Variants in KIF13B observed in about 807,000 individuals in gnomAD.
KIF13B encodes kinesin-like protein KIF13B.
KIF13B carries 127 observed loss-of-function variants against 222.0 expected under a neutral mutation model. That is an observed-to-expected ratio of 0.57 (90% CI 0.50 to 0.66). KIF13B has a LOEUF of 0.66. Ranked by LOEUF, KIF13B falls within the 30% of genes least tolerant of loss-of-function variation. The pLI, the probability that KIF13B is intolerant of heterozygous loss-of-function variation, is 0.00. For synonymous variants in KIF13B, 976 were observed against 919.0 expected (o/e 1.06, Z -1.12); for missense variants, 2,173 against 2,379.0 (o/e 0.91, Z 1.80).
intron 10 of KIF13B, among the ~76,000 whole-genome samples, chr8:29,168,704 G>C (rs192065029): frequency 6.6e-6 from 1 of 152,092 alleles, no homozygotes; most frequent in Non-Finnish European, 1.5e-5. Context: ...TCCCCACACC[G>C]GTCATGCCTT....
intron 2 of KIF13B, among the ~76,000 whole-genome samples, chr8:29,212,462 T>A (rs1392752754): frequency 1.3e-5 from 2 of 152,182 alleles, no homozygotes; most frequent in East Asian, 3.8e-4. Flanking sequence ...CCAATGATGC[T>A]GAGAATCTTC....
At chr8:29,076,597 C>T (rs993806021) in intron 37 of KIF13B, among the ~76,000 whole-genome samples, 1 of 152,222 alleles carries the variant, frequency 6.6e-6, no homozygotes, top group Non-Finnish European at 1.5e-5. Context: ...CCCGAAGAAG[C>T]CAGCCCGCTC....
intron 2 of KIF13B, among the ~76,000 whole-genome samples, chr8:29,231,416 C>T (rs1295633710): frequency 6.6e-6 from 1 of 152,164 alleles, no homozygotes; most frequent in African/African-American, 2.4e-5. Flanking sequence ...TCATATTATA[C>T]CCAATCCCCC....
intron 8 of KIF13B, among the ~76,000 whole-genome samples, chr8:29,178,349 C>T (rs572847244): frequency 2.6e-5 from 4 of 152,164 alleles, no homozygotes; most frequent in Non-Finnish European, 4.4e-5. Flanking sequence ...GTAACATTTA[C>T]ATCTTATTCA....
chr8:29,119,436 CT>C (rs1305039378), intron 29 of KIF13B, among the ~76,000 whole-genome samples: 1 of 152,222 alleles, frequency 6.6e-6, no homozygotes, highest in Non-Finnish European at 1.5e-5. Flanking sequence ...CCATGGCCCC[CT>C]GGTTCCTCAG....
rs555987872 is a variant in KIF13B, at chr8:29,094,777, G to C, written c.4325-1899C>G. ...TCTTAACCAAGTCCAAAGATGCAAA[G>C]GAGAATACAGTCTTGACAAGTGCAC... On this transcript the variant is annotated intron_variant, in intron 36 of 39. Coordinates refer to ENST00000524189, the MANE Select transcript of KIF13B (RefSeq NM_015254.4). Among the ~76,000 whole-genome samples the C allele has an allele frequency of 2.0e-5, 3 of 152,216 alleles. No homozygotes were observed. The South Asian group carries it at 6.2e-4, about 32-fold the overall frequency.
chr8:29,133,258 T>C (rs1810423413), intron 22 of KIF13B, among the ~76,000 whole-genome samples: 1 of 152,284 alleles, frequency 6.6e-6, no homozygotes, highest in East Asian at 1.9e-4. Context: ...GATTTGTTTG[T>C]GTTTTCAGCT....
At chr8:29,232,825 C>T (rs1017607626) in intron 2 of KIF13B, among the ~76,000 whole-genome samples, 13 of 152,310 alleles carry the variant, frequency 8.5e-5, no homozygotes, top group African/African-American at 3.1e-4. Flanking sequence ...ACCCATACCA[C>T]TGCCCACTCT....
rs753292093 is a variant in KIF13B at position 29,132,315 on chromosome 8, G to A, written c.2935C>T (p.Arg979Trp). 18 of 1,523,924 alleles carry A rather than the reference G, an allele frequency of 1.2e-5. No homozygotes were observed. Among genetic ancestry groups the A allele is most frequent in the South Asian group, 7.9e-5 (6 of 75,842 alleles). 94.4% of individuals were successfully genotyped at this position (1,523,924 alleles called of 1,614,324 possible). ...GIIQAKTRSL[R>W]DRWSEVTRKL... ...TGAACATCTAATATTCACCTGTCCC[G>A]AAGACTACGTGTCTTTGCTTGGATG... Residue 979 changes from arginine to tryptophan, a missense_variant, in exon 23 of 40, where the codon CGG becomes TGG. Arg to Trp is a moderately radical substitution (Grantham distance 101). Around this residue, in one of 2 missense-constraint regions of KIF13B, gnomAD observed 1,480 missense variants for 1,722.8 expected, o/e 0.86. Transcript: ENST00000524189.
At chr8:29,183,044 T>A (rs1186454860) in intron 6 of KIF13B, among the ~76,000 whole-genome samples, 1 of 152,126 alleles carries the variant, frequency 6.6e-6, no homozygotes, top group African/African-American at 2.4e-5. Context: ...ATGTCAATGA[T>A]AAGGTTACTG....
At chr8:29,088,647 A>T (rs954966387) in intron 37 of KIF13B, among the ~76,000 whole-genome samples, 7 of 152,226 alleles carry the variant, frequency 4.6e-5, no homozygotes, top group African/African-American at 1.4e-4. Flanking sequence ...TTACTATTTT[A>T]AAAAAATGAG....
chr8:29,088,769 C>T (rs542621627), intron 37 of KIF13B, among the ~76,000 whole-genome samples: 5 of 152,188 alleles, frequency 3.3e-5, no homozygotes, highest in African/African-American at 9.7e-5. Flanking sequence ...CAGAGTACAA[C>T]AAGTGAAAGC....
chr8:29,137,090 G>T (rs972829067), intron 21 of KIF13B, among the ~76,000 whole-genome samples: 1 of 152,058 alleles, frequency 6.6e-6, no homozygotes, highest in Non-Finnish European at 1.5e-5. Flanking sequence ...GTGAGCCGCC[G>T]CGCCCGGCCC....
chr8:29,208,312 T>G (rs1814049529), intron 2 of KIF13B, among the ~76,000 whole-genome samples: 1 of 152,206 alleles, frequency 6.6e-6, no homozygotes, highest in East Asian at 1.9e-4. Flanking sequence ...TTATTGGCAA[T>G]TACTTCTAAG....
intron 2 of KIF13B, among the ~76,000 whole-genome samples, chr8:29,209,516 C>T (rs1453264970): frequency 1.3e-5 from 2 of 152,188 alleles, no homozygotes; most frequent in Non-Finnish European, 2.9e-5. Context: ...AAGACCAATT[C>T]TAAGAGCTGC....
intron 37 of KIF13B, among the ~76,000 whole-genome samples, chr8:29,089,300 G>T (rs75607288): frequency 6.6e-6 from 1 of 152,132 alleles, no homozygotes; most frequent in Admixed American, 6.5e-5. Context: ...TTAGCTGGGC[G>T]TGATGGAGCG....
chr8:29,238,896 G>A (rs1815632865), intron 2 of KIF13B, among the ~76,000 whole-genome samples: 1 of 152,140 alleles, frequency 6.6e-6, no homozygotes, highest in African/African-American at 2.4e-5. Context: ...AAATTAGCCA[G>A]GCATGGTGGT....
intron 6 of KIF13B, among the ~76,000 whole-genome samples, chr8:29,183,616 TATA>T (rs1812809965): frequency 6.6e-6 from 1 of 152,226 alleles, no homozygotes; most frequent in South Asian, 2.1e-4. Context: ...CCATTTGTAT[TATA>T]ATAAACTTTG....
rs1295158339 is a variant in KIF13B at position 29,075,356 on chromosome 8, G to A, written c.4459-13C>T. The A allele has an allele frequency of 6.4e-7, 1 of 1,555,306 alleles. No homozygotes were observed. Among genetic ancestry groups the A allele is most frequent in the Non-Finnish European group, 8.7e-7 (1 of 1,149,080 alleles). Reference sequence around the variant, plus strand: ...TGCGGGGCACGGGCTGAGGAGGCAAGTGTGCAGGTCAGGGGTCGAGAGGAC... The same window carrying A: ...TGCGGGGCACGGGCTGAGGAGGCAAATGTGCAGGTCAGGGGTCGAGAGGAC... On this transcript the variant is annotated splice_polypyrimidine_tract_variant and intron_variant, in intron 37 of 39. Transcript: ENST00000524189.
Sources: gnomAD v4.1 joint callset for allele counts (sites outside exome capture counted in the v4.1 genomes callset) on GRCh38, gnomAD v4.1.1 for gene constraint, gnomAD v4.1.1 regional missense constraint, MANE v1.5 for transcripts, NCBI Gene and HGNC (gene_info 2026-07-23, HGNC 2026-07-21) for gene names.